The following DPH6 variants were observed in gnomAD, a reference collection of about 807,000 sequenced individuals.
DPH6 encodes diphthine--ammonia ligase.
Under a neutral mutation model 38.2 loss-of-function variants are expected in DPH6, and 33 were observed. The observed-to-expected ratio is 0.86, with a 90% confidence interval of 0.65 to 1.15. The LOEUF (loss-of-function observed/expected upper bound fraction) is 1.15. DPH6 is among the 50% of genes most tolerant of loss of function. The probability of loss-of-function intolerance (pLI) is 0.00; values close to 1 mark genes in which losing one functional copy is unlikely to be tolerated. For synonymous variants in DPH6, 108 were observed against 103.0 expected, an observed-to-expected ratio of 1.05 and a Z score of -0.30; for missense variants, 325 against 320.0, an observed-to-expected ratio of 1.02 and a Z score of -0.12.
chr15:35,212,886 A>G (rs1342863054), downstream of DPH6, among the ~76,000 whole-genome samples: 1 of 152,242 alleles, frequency 6.6e-6, no homozygotes, highest in Non-Finnish European at 1.5e-5. Flanking sequence ...AGTAATTGCA[A>G]TTTGTTCTAA....
chr15:35,191,332 G>C, the DPH6 span, among the ~76,000 whole-genome samples: 1 of 152,220 alleles, frequency 6.6e-6, no homozygotes, highest in South Asian at 2.1e-4. Flanking sequence ...TGTCCTTTAA[G>C]TAGCATCTTC....
chr15:35,338,536 G>C (rs1226168351), intron 3 of DPH6, among the ~76,000 whole-genome samples: 4 of 152,054 alleles, frequency 2.6e-5, no homozygotes, highest in Non-Finnish European at 5.9e-5. Context: ...GAAACAACAG[G>C]TGCTGGAGAG....
rs1244072266 is a variant in DPH6 at position 35,372,216 on chromosome 15, G to A, written c.751-13C>T. On this transcript the variant is annotated splice_polypyrimidine_tract_variant and intron_variant, in intron 8 of 8. Coordinates refer to ENST00000256538, the MANE Select transcript of DPH6 (RefSeq NM_080650.4). Reference sequence around the variant, plus strand: ...GCACTGAGGACACCTAAAAAAAAAAGGGAAGGAAAGGGAAGGAAAATGCAC... The same window carrying A: ...GCACTGAGGACACCTAAAAAAAAAAAGGAAGGAAAGGGAAGGAAAATGCAC... 10 of 1,467,498 alleles carry A rather than the reference G, an allele frequency of 6.8e-6. No individual in the cohort carries two copies. The highest frequency in any genetic ancestry group is 5.5e-5 in the Admixed American group (2 of 36,608). 90.9% of individuals were successfully genotyped at this position (1,467,498 alleles called of 1,614,324 possible).
intron 6 of DPH6, chr15:35,396,300 T>C (rs892102843): frequency 3.9e-5 from 6 of 152,242 alleles, no homozygotes; most frequent in Non-Finnish European, 7.3e-5. Context: ...CTGGCCATAA[T>C]ATGATTTATC....
chr15:35,192,289 A>G, the DPH6 span, among the ~76,000 whole-genome samples: 16 of 152,174 alleles, frequency 1.1e-4, no homozygotes, highest in Non-Finnish European at 1.6e-4. Context: ...AATAGTACCT[A>G]ACTCCTAGTG....
intron 3 of DPH6, among the ~76,000 whole-genome samples, chr15:35,531,473 T>C (rs1340697715): frequency 6.6e-6 from 1 of 152,168 alleles, no homozygotes; most frequent in Non-Finnish European, 1.5e-5. Context: ...GATAATTACA[T>C]TAAAAAAATT....
intron 6 of DPH6, among the ~76,000 whole-genome samples, chr15:35,393,538 A>G (rs1042943325): frequency 2.6e-5 from 4 of 152,172 alleles, no homozygotes; most frequent in African/African-American, 9.7e-5. Context: ...TCTAATGGCA[A>G]TAAACTGGGG....
At chr15:35,153,861 AAAGGG>A in the DPH6 span, among the ~76,000 whole-genome samples, 2 of 152,218 alleles carry the variant, frequency 1.3e-5, no homozygotes, top group African/African-American at 4.8e-5. Context: ...GAAAATCTGG[AAAGGG>A]TGGAGTTTAA....
chr15:35,373,632 A>G (rs1382336258), intron 7 of DPH6, 24 bp from the exon 8 acceptor site: 1 of 1,582,206 alleles, frequency 6.3e-7, no homozygotes, highest in South Asian at 1.1e-5. Context: ...ATTTTACAAT[A>G]CATTTATATG....
intron 3 of DPH6, among the ~76,000 whole-genome samples, chr15:35,313,616 T>G (rs1356685822): frequency 1.3e-5 from 2 of 152,188 alleles, no homozygotes; most frequent in African/African-American, 4.8e-5. Flanking sequence ...TGAGACTGTT[T>G]CCTTGATTTT....
At chr15:35,279,068 A>AATATATATATATATAT (rs1555390827) in intron 3 of DPH6, among the ~76,000 whole-genome samples, 1 of 102,970 alleles carries the variant, frequency 9.7e-6, no homozygotes, top group African/African-American at 4.8e-5. Context: ...AAAAAAAAAA[A>AATATATATATATATAT]ATATATATAT....
intron 6 of DPH6, among the ~76,000 whole-genome samples, chr15:35,391,928 G>A (rs367949194): frequency 2.0e-5 from 3 of 152,174 alleles, no homozygotes; most frequent in Admixed American, 1.3e-4. Context: ...CGTCTTCTGC[G>A]TCGCTGATGC....
chr15:35,342,501 TAGTC>T (rs1023378922), intron 3 of DPH6, among the ~76,000 whole-genome samples: 16 of 152,200 alleles, frequency 1.1e-4, no homozygotes, highest in Non-Finnish European at 2.2e-4. Flanking sequence ...GTTGTTTTCT[TAGTC>T]AGTCCCAATG....
chr15:35,490,302 G>C (rs1045153757), intron 3 of DPH6: 3 of 453,054 alleles, frequency 6.6e-6, no homozygotes, highest in African/African-American at 6.4e-5. Flanking sequence ...AAATGAATGT[G>C]AGTAACTAAT....
downstream of DPH6, among the ~76,000 whole-genome samples, chr15:35,327,567 T>C (rs747736504): frequency 3.3e-5 from 5 of 151,982 alleles, no homozygotes; most frequent in Admixed American, 1.3e-4. Flanking sequence ...GGATGGTCTC[T>C]ATCTGCTGAC....
At chr15:35,369,692 G>A (rs2052693628), downstream of DPH6, among the ~76,000 whole-genome samples, 1 of 148,768 alleles carries the variant, frequency 6.7e-6, no homozygotes, top group African/African-American at 2.5e-5. Flanking sequence ...CTATAACAAT[G>A]AAGAGAAAAA....
the DPH6 span, among the ~76,000 whole-genome samples, chr15:35,163,909 A>C: frequency 1.3e-4 from 20 of 151,942 alleles, no homozygotes; most frequent in Non-Finnish European, 2.2e-4. Context: ...GAGAAAAGGA[A>C]GTTCTACTCA....
chr15:35,515,358 TG>T (rs991169107), intron 3 of DPH6, among the ~76,000 whole-genome samples: 2 of 151,832 alleles, frequency 1.3e-5, no homozygotes, highest in African/African-American at 4.8e-5. Flanking sequence ...TTTGGGTGGC[TG>T]GGGTGGGAGG....
At position 35,228,066 on chromosome 15, in the gene DPH6, C is replaced by A. The variant is rs530315009; in HGVS notation, n.201-7484G>T. Among the ~76,000 whole-genome samples the A allele has an allele frequency of 9.9e-5, 15 of 152,118 alleles. No homozygotes were observed. The East Asian group carries it at 2.9e-3, about 29-fold the overall frequency. ...ATATGGTTTTTCCTTTAGAAAGATT[C>A]ATGTTCTAAAGAAAATAATGTGTAT... On this transcript the variant is annotated intron_variant and non_coding_transcript_variant, in intron 3 of 3. Coordinates refer to the DPH6 transcript ENST00000560386.
Sources: gnomAD v4.1 joint callset for allele counts (sites outside exome capture counted in the v4.1 genomes callset) on GRCh38, gnomAD v4.1.1 for gene constraint, MANE v1.5 for transcripts, NCBI Gene and HGNC (gene_info 2026-07-23, HGNC 2026-07-21) for gene names.